DPH7: variants seen among roughly 807,000 people sequenced by gnomAD.
The protein encoded by DPH7 is diphthine methyltransferase.
DPH7 carries 44 observed loss-of-function variants against 41.7 expected under a neutral mutation model. The ratio of observed to expected loss-of-function variants is 1.05; its 90% CI spans 0.83 to 1.36. DPH7 has a LOEUF of 1.36. Ranked by LOEUF, DPH7 falls within the 40% of genes most tolerant of loss-of-function variation. The pLI is 0.00. For synonymous variants in DPH7, 275 were observed against 238.0 expected, an observed-to-expected ratio of 1.16 and a Z score of -1.43; for missense variants, 629 against 577.5, an observed-to-expected ratio of 1.09 and a Z score of -0.91.
At chr9:137,565,032 C>T in intron 6 of DPH7, 53 bp downstream of exon 6, 1 of 1,612,528 alleles carries the variant, frequency 6.2e-7, no homozygotes, top group Non-Finnish European at 8.5e-7. Context: ...GCTGGTGACC[C>T]AGGGAACGCG....
At chr9:137,558,948 GC>G (rs1564406436) in intron 8 of DPH7, among the ~76,000 whole-genome samples, 1 of 152,112 alleles carries the variant, frequency 6.6e-6, no homozygotes, top group Non-Finnish European at 1.5e-5. Context: ...GAGACACTGC[GC>G]CCGGCCTTGA....
chr9:137,563,665 A>G (rs1839028824), intron 8 of DPH7, among the ~76,000 whole-genome samples: 1 of 152,156 alleles, frequency 6.6e-6, no homozygotes, highest in Admixed American at 6.5e-5. Flanking sequence ...GGCAGAGAGC[A>G]TGTGGGTGGC....
chr9:137,564,807 G>C lies in DPH7; in HGVS notation c.776+86C>G. The C allele has an allele frequency of 2.0e-6, 3 of 1,484,002 alleles. No homozygotes were observed. In the South Asian group the frequency reaches 3.5e-5, roughly 18 times the overall value. 91.9% of individuals were successfully genotyped at this position (1,484,002 alleles called of 1,614,324 possible). On this transcript the variant is annotated intron_variant, in intron 7 of 8. Transcript: ENST00000277540. Reference sequence around the variant, plus strand: ...TGCTGCAATGGTGCCAGGAGGAAAGGCAGCGAAAGAGGGAAGAAGGGCCCA... The same window carrying C: ...TGCTGCAATGGTGCCAGGAGGAAAGCCAGCGAAAGAGGGAAGAAGGGCCCA...
Position 137,574,373 on chromosome 9 carries a change from C to A in DPH7, c.475G>T (p.Asp159Tyr). The A allele has an allele frequency of 6.2e-7, 1 of 1,613,804 alleles. No individual in the cohort carries two copies. The highest frequency in any genetic ancestry group is 8.5e-7 in the Non-Finnish European group (1 of 1,179,832). ...CTGCTGATGATCTTCAAGGGCTGGT[C>A]CCCGGCCCTAGACACAGGGAACCCA... ...WSTGKTGRAGDQPLKIISSDS... is the reference protein window; with the variant it reads ...WSTGKTGRAGYQPLKIISSDS... The change falls in exon 5 of 9, where the codon GAC (aspartate) becomes TAC (tyrosine). Residue 159 changes from aspartate to tyrosine, a missense_variant. Transcript: ENST00000277540.
intron 5 of DPH7, among the ~76,000 whole-genome samples, chr9:137,573,817 C>T (rs368585660): frequency 6.6e-6 from 1 of 151,944 alleles, no homozygotes; most frequent in East Asian, 1.9e-4. Flanking sequence ...CCTGTAATCC[C>T]AACACTTTGG....
chr9:137,561,140 G>A (rs1838506524), intron 8 of DPH7, among the ~76,000 whole-genome samples: 1 of 151,964 alleles, frequency 6.6e-6, no homozygotes, highest in Non-Finnish European at 1.5e-5. Context: ...TATTGACACA[G>A]GTTCAAAGAT....
At chr9:137,559,391 C>T (rs1161823797) in intron 8 of DPH7, among the ~76,000 whole-genome samples, 1 of 152,202 alleles carries the variant, frequency 6.6e-6, no homozygotes, top group African/African-American at 2.4e-5. Context: ...ACACCCGCTA[C>T]TTAGCAGACC....
At chr9:137,560,446 C>G (rs189573949) in intron 8 of DPH7, among the ~76,000 whole-genome samples, 9 of 152,322 alleles carry the variant, frequency 5.9e-5, no homozygotes, top group African/African-American at 2.2e-4. Flanking sequence ...GATGGCCAGG[C>G]GTGGTGGCTC....
At chr9:137,577,126 C>T (rs1319266428) in intron 2 of DPH7, among the ~76,000 whole-genome samples, 2 of 152,080 alleles carry the variant, frequency 1.3e-5, no homozygotes, top group African/African-American at 2.4e-5. Flanking sequence ...TAAGGCACCA[C>T]CATGGTATAC....
Position 137,556,828 on chromosome 9 carries a change from T to C in DPH7, c.950-1180A>G, listed in dbSNP as rs749280572. 8 of 456,370 alleles carry C rather than the reference T, an allele frequency of 1.8e-5. No homozygotes were observed. The highest frequency in any genetic ancestry group is 3.1e-5 in the Non-Finnish European group (7 of 226,922). 28.3% of individuals were successfully genotyped at this position (456,370 alleles called of 1,614,324 possible). On this transcript the variant is annotated intron_variant, in intron 8 of 8. Transcript: ENST00000277540. This position sits in a 1 kb window ranked among gnomAD's most constrained non-coding sequence, Gnocchi z 5.2. ...ACCTCTTCTACAGCTTAGGAAAAGG[T>C]AATAAGGCAGAGTCTAAGCCCTCAG...
At chr9:137,573,969 G>C (rs1840932444) in intron 5 of DPH7, among the ~76,000 whole-genome samples, 1 of 152,194 alleles carries the variant, frequency 6.6e-6, no homozygotes, top group Non-Finnish European at 1.5e-5. Context: ...GGGAGGCTGA[G>C]GCAGTAGAAT....
intron 5 of DPH7, among the ~76,000 whole-genome samples, chr9:137,569,468 T>A (rs1347675313): frequency 9.5e-6 from 1 of 105,290 alleles, no homozygotes; most frequent in Non-Finnish European, 1.8e-5. Flanking sequence ...CCACCATCCA[T>A]CCATCCATCC....
intron 8 of DPH7, among the ~76,000 whole-genome samples, chr9:137,559,560 C>T (rs1838153146): frequency 6.6e-6 from 1 of 152,236 alleles, no homozygotes; most frequent in Non-Finnish European, 1.5e-5. Context: ...TCCTTGTCCG[C>T]CTTCATGTTC....
intron 8 of DPH7, among the ~76,000 whole-genome samples, chr9:137,559,936 G>A (rs895331454): frequency 3.9e-5 from 6 of 152,110 alleles, no homozygotes; most frequent in South Asian, 2.1e-4. Context: ...ACACTCTCTC[G>A]TCGCCGCACA....
chr9:137,574,681 C>T lies in DPH7; in HGVS notation c.467+71G>A, dbSNP rs12342671. Reference sequence around the variant, plus strand: ...CGCAGCTCGCTGAAGGTGGCTGGAGCCCTCTAGCCTGAAAAGTGGAAGTGG... The same window carrying T: ...CGCAGCTCGCTGAAGGTGGCTGGAGTCCTCTAGCCTGAAAAGTGGAAGTGG... On this transcript the variant is annotated intron_variant, in intron 4 of 8. Transcript: ENST00000277540. The T allele has an allele frequency of 7.5e-3, 10,659 of 1,427,208 alleles. 355 individuals are homozygous for T. The African/African-American group carries it at 0.078, about 10-fold the overall frequency. The allele number at this position is 1,427,208 out of a possible 1,614,324, so 88.4% of individuals were successfully genotyped here.
chr9:137,577,497 T>G lies in DPH7; in HGVS notation c.260A>C (p.Asp87Ala), dbSNP rs145861681. The part of the protein sequence containing the change: ...IHPLVEVQRK[D>A]TSAILDMKWC... ...TTTCATGTCCAGGATTGCAGAAGTATCTTTTCTTTGGACCTCGACCAGAGG... is the reference window on the plus strand; with the variant it reads ...TTTCATGTCCAGGATTGCAGAAGTAGCTTTTCTTTGGACCTCGACCAGAGG... The change falls in exon 2 of 9, where the codon GAT (aspartate) becomes GCT (alanine). Residue 87 changes from aspartate (D) to alanine (A), a missense_variant. Coordinates refer to ENST00000277540, the MANE Select transcript of DPH7 (RefSeq NM_138778.5). The G allele has an allele frequency of 2.1e-4, 334 of 1,614,104 alleles. 4 individuals carry two copies. The African/African-American group carries it at 4.2e-3, about 20-fold the overall frequency.
chr9:137,570,902 C>G (rs1221787486), intron 5 of DPH7, among the ~76,000 whole-genome samples: 1 of 152,216 alleles, frequency 6.6e-6, no homozygotes, highest in Non-Finnish European at 1.5e-5. Context: ...TTGCCCCTGA[C>G]AGGCCATGCA....
chr9:137,563,308 G>A (rs1403357220), intron 8 of DPH7, among the ~76,000 whole-genome samples: 6 of 152,170 alleles, frequency 3.9e-5, no homozygotes, highest in East Asian at 1.9e-4. Context: ...CAAGGCAGGC[G>A]GATCACGAGG....
intron 8 of DPH7, 37 bp from the exon 9 acceptor site, chr9:137,555,685 A>C: frequency 1.3e-6 from 2 of 1,547,540 alleles, no homozygotes; most frequent in South Asian, 1.2e-5. Context: ...GAAACACAAC[A>C]TCACCCAGAG....
Sources: allele counts gnomAD v4.1 joint callset (sites outside exome capture counted in the v4.1 genomes callset), GRCh38; gene constraint gnomAD v4.1.1; non-coding constraint Gnocchi (gnomAD v3.1); transcripts MANE v1.5; gene names NCBI Gene and HGNC (gene_info 2026-07-23, HGNC 2026-07-21).